PRKCE: variants seen among roughly 807,000 people sequenced by gnomAD.
PRKCE encodes the protein protein kinase C epsilon type.
In PRKCE, 16 loss-of-function variants were observed where a neutral mutation model predicts 85.4. That is an observed-to-expected ratio of 0.19 (90% confidence interval 0.13 to 0.28). The LOEUF (loss-of-function observed/expected upper bound fraction) is 0.28, where lower values mean the gene tolerates loss of function less well. Ranked by LOEUF, PRKCE falls within the 10% of genes least tolerant of loss-of-function variation. PRKCE has a pLI of 1.00. For missense variants in PRKCE, 573 were observed against 975.2 expected, an observed-to-expected ratio of 0.59 and a Z score of 5.49; for synonymous variants, 388 against 371.5, an observed-to-expected ratio of 1.04 and a Z score of -0.51.
intron 1 of PRKCE, among the ~76,000 whole-genome samples, chr2:45,787,484 G>A (rs1460444316): frequency 6.6e-6 from 1 of 152,126 alleles, no homozygotes; most frequent in African/African-American, 2.4e-5. Context: ...GTCTGGGGAG[G>A]GGAAGTTCAG....
At position 45,652,985 on chromosome 2, in the gene PRKCE, A is replaced by G. The variant is rs1273521641; in HGVS notation, c.348+537A>G. Among the ~76,000 whole-genome samples, 1 of 152,130 alleles carries G rather than the reference A, an allele frequency of 6.6e-6. No individual in the cohort carries two copies. The highest frequency in any genetic ancestry group is 1.5e-5 in the Non-Finnish European group (1 of 68,038). On this transcript the variant is annotated intron_variant, in intron 1 of 14. Coordinates refer to ENST00000306156, the MANE Select transcript of PRKCE (RefSeq NM_005400.3). The surrounding 1 kb of genome is among the most constrained non-coding windows in gnomAD (Gnocchi z 7.7). ...TTAGCTCATCTTCTGACATACAAGT[A>G]GAAAAAATGTGTTCTCCTCCAGGAT...
At chr2:45,901,689 A>T (rs1230214042) in intron 2 of PRKCE, among the ~76,000 whole-genome samples, 2 of 152,210 alleles carry the variant, frequency 1.3e-5, no homozygotes, top group African/African-American at 4.8e-5. Context: ...ATTTCCCATT[A>T]TGTATCTTAG....
At chr2:45,835,733 G>C (rs1289314857) in intron 1 of PRKCE, among the ~76,000 whole-genome samples, 4 of 151,928 alleles carry the variant, frequency 2.6e-5, no homozygotes, top group Non-Finnish European at 4.4e-5. Context: ...TGGGACTGTA[G>C]GCATGCACCA....
chr2:45,694,806 G>T (rs1452338954), intron 1 of PRKCE, among the ~76,000 whole-genome samples: 4 of 152,228 alleles, frequency 2.6e-5, no homozygotes, highest in African/African-American at 4.8e-5. Flanking sequence ...GAGTGTATCT[G>T]GGGGTGGATG....
At chr2:45,940,356 A>G (rs1230357613) in intron 2 of PRKCE, among the ~76,000 whole-genome samples, 1 of 152,214 alleles carries the variant, frequency 6.6e-6, no homozygotes, top group African/African-American at 2.4e-5. Context: ...TTCCATCTGT[A>G]TTCATTTTCT....
chr2:45,973,664 C>T (rs867150018), intron 2 of PRKCE, among the ~76,000 whole-genome samples: 4 of 152,170 alleles, frequency 2.6e-5, no homozygotes, highest in South Asian at 4.1e-4. Context: ...CAGGGCACCC[C>T]GCTGAGACAG....
chr2:46,029,961 T>C (rs1707401736), intron 10 of PRKCE, among the ~76,000 whole-genome samples: 1 of 152,160 alleles, frequency 6.6e-6, no homozygotes, highest in Non-Finnish European at 1.5e-5. Context: ...TTCTTCTAAA[T>C]ACCCTCTCTG....
intron 10 of PRKCE, among the ~76,000 whole-genome samples, chr2:46,018,651 TAAG>T (rs1706376155): frequency 1.3e-5 from 2 of 152,106 alleles, no homozygotes; most frequent in South Asian, 4.1e-4. Flanking sequence ...AAAAAGAAAA[TAAG>T]AACAATTCAC....
intron 1 of PRKCE, among the ~76,000 whole-genome samples, chr2:45,797,457 C>T (rs988096607): frequency 3.9e-5 from 6 of 152,240 alleles, no homozygotes; most frequent in Non-Finnish European, 7.3e-5. Context: ...TGTTCACTTG[C>T]AGAAGTGCCT....
At chr2:45,865,819 T>TC (rs1220298313) in intron 2 of PRKCE, among the ~76,000 whole-genome samples, 9,259 of 144,500 alleles carry the variant, frequency 0.064, 479 homozygotes, top group African/African-American at 0.14. Flanking sequence ...CTTCTTCTTT[T>TC]TTTTTTTTTT....
At chr2:45,788,178 C>T (rs1686761703) in intron 1 of PRKCE, among the ~76,000 whole-genome samples, 1 of 152,204 alleles carries the variant, frequency 6.6e-6, no homozygotes, top group African/African-American at 2.4e-5. Context: ...ATGGGTTGTT[C>T]TGGGTGACTG....
At chr2:46,017,768 A>C (rs1442392658) in intron 10 of PRKCE, among the ~76,000 whole-genome samples, 1 of 152,166 alleles carries the variant, frequency 6.6e-6, no homozygotes, top group Non-Finnish European at 1.5e-5. Context: ...GTAGTATCTC[A>C]TTATAGTTTT....
chr2:45,832,322 T>G (rs1436714306), intron 1 of PRKCE, among the ~76,000 whole-genome samples: 1 of 151,178 alleles, frequency 6.6e-6, no homozygotes, highest in Non-Finnish European at 1.5e-5. Flanking sequence ...ACTTTTTTTT[T>G]TTTTTTTTGA....
At chr2:46,006,542 T>C (rs1161355878) in intron 8 of PRKCE, among the ~76,000 whole-genome samples, 1 of 152,234 alleles carries the variant, frequency 6.6e-6, no homozygotes, top group Non-Finnish European at 1.5e-5. Context: ...TGCCTAATTC[T>C]CATTCCCAAG....
intron 10 of PRKCE, among the ~76,000 whole-genome samples, chr2:46,056,404 C>T (rs1282309734): frequency 2.0e-5 from 3 of 152,184 alleles, no homozygotes; most frequent in Admixed American, 2.0e-4. Flanking sequence ...GCTAAGCATA[C>T]AGTAACTTAT....
chr2:46,097,630 C>A (rs1219411364), intron 11 of PRKCE, among the ~76,000 whole-genome samples: 1 of 152,168 alleles, frequency 6.6e-6, no homozygotes, highest in African/African-American at 2.4e-5. Flanking sequence ...GCCCTGGTCC[C>A]TATGTGACCT....
At chr2:45,735,724 T>C (rs1204696187) in intron 1 of PRKCE, among the ~76,000 whole-genome samples, 1 of 152,124 alleles carries the variant, frequency 6.6e-6, no homozygotes, top group Admixed American at 6.5e-5. Context: ...TTTTGTGCAC[T>C]TGTCTGAAGG....
chr2:45,673,464 C>T (rs942177323), intron 1 of PRKCE, among the ~76,000 whole-genome samples: 2 of 152,196 alleles, frequency 1.3e-5, no homozygotes, highest in African/African-American at 4.8e-5. Flanking sequence ...GTTCAACACA[C>T]ATTTAGGGAC....
rs1365467911 is a variant in PRKCE at position 46,187,816 on chromosome 2, TTGTA to T, written c.*2937_*2940del. On this transcript the variant is annotated 3_prime_UTR_variant, in exon 15 of 15. Coordinates refer to ENST00000306156, the MANE Select transcript of PRKCE (RefSeq NM_005400.3). The stretch of plus-strand genomic sequence containing the variant: ...TATTCAATTTTAGGATTTTTTTTTT[TTGTA>T]TTGTGATGCTTTATTTGTACATTTT... The T allele has an allele frequency of 6.6e-6, 1 of 152,336 alleles. No homozygotes were observed. The highest frequency in any genetic ancestry group is 1.5e-5 in the Non-Finnish European group (1 of 68,000). 9.4% of individuals were successfully genotyped at this position (152,336 alleles called of 1,614,324 possible). A position where few individuals can be genotyped will look rare whatever the true frequency, so the allele number is the denominator to read the frequency against.
Sources: gnomAD v4.1 joint callset for allele counts (sites outside exome capture counted in the v4.1 genomes callset) on GRCh38, gnomAD v4.1.1 for gene constraint, Gnocchi (gnomAD v3.1) non-coding constraint, MANE v1.5 for transcripts, NCBI Gene and HGNC (gene_info 2026-07-23, HGNC 2026-07-21) for gene names.